PCDHGB2: variants seen among roughly 807,000 people sequenced by gnomAD.
PCDHGB2 encodes protocadherin gamma-B2.
PCDHGB2 carries 55 observed loss-of-function variants against 59.3 expected under a neutral mutation model. That is an observed-to-expected ratio of 0.93 (90% CI 0.75 to 1.16). The LOEUF (loss-of-function observed/expected upper bound fraction) is 1.16. Among genes scored for constraint, PCDHGB2 ranks in the 50% most tolerant of loss-of-function variants. PCDHGB2 has a pLI of 0.00. For missense variants in PCDHGB2, 1,228 were observed against 1,198.5 expected, an observed-to-expected ratio of 1.02 and a Z score of -0.36; for synonymous variants, 516 against 512.0, an observed-to-expected ratio of 1.01 and a Z score of -0.11.
chr5:141,414,280 G>C, intron 1 of PCDHGB2: 5 of 1,613,604 alleles, frequency 3.1e-6, no homozygotes, highest in Non-Finnish European at 4.2e-6. Context: ...TCTGGGAACA[G>C]TCGTAGCCCT....
At chr5:141,466,280 C>T (rs1181499549) in intron 1 of PCDHGB2, among the ~76,000 whole-genome samples, 1 of 152,142 alleles carries the variant, frequency 6.6e-6, no homozygotes, top group Admixed American at 6.6e-5. Flanking sequence ...AAGCAATCTT[C>T]CCACCTCAGG....
intron 1 of PCDHGB2, among the ~76,000 whole-genome samples, chr5:141,482,072 C>G (rs1010432509): frequency 1.5e-5 from 2 of 133,436 alleles, no homozygotes; most frequent in African/African-American, 5.9e-5. Flanking sequence ...GCAACAAGAA[C>G]AAAACTCACT....
At chr5:141,390,649 G>A in intron 1 of PCDHGB2, 1 of 210,770 alleles carries the variant, frequency 4.7e-6, no homozygotes, top group Non-Finnish European at 9.4e-6. Flanking sequence ...TTTTCAGCTT[G>A]GATATACCAT....
chr5:141,473,974 C>G (rs958240236), intron 1 of PCDHGB2, among the ~76,000 whole-genome samples: 33 of 152,054 alleles, frequency 2.2e-4, no homozygotes, highest in Admixed American at 2.2e-3. Context: ...AAGTCTGAGG[C>G]GGGAGGATCC....
chr5:141,407,159 A>G (rs1349203478), intron 1 of PCDHGB2, among the ~76,000 whole-genome samples: 1 of 152,232 alleles, frequency 6.6e-6, no homozygotes, highest in Non-Finnish European at 1.5e-5. Context: ...AGTGTCTGGG[A>G]ATCCTTTATG....
chr5:141,373,898 A>G (rs1039826496), intron 1 of PCDHGB2: 7 of 541,044 alleles, frequency 1.3e-5, no homozygotes, highest in African/African-American at 1.2e-4. Context: ...CTCAAGTTAC[A>G]TCCTCCAACA....
intron 1 of PCDHGB2, chr5:141,410,230 C>T (rs759582867): frequency 6.2e-7 from 1 of 1,614,006 alleles, no homozygotes; most frequent in Admixed American, 1.7e-5. Flanking sequence ...CAGACCTCAG[C>T]GACCGCCCTG....
chr5:141,362,701 T>G (rs1762639464), intron 1 of PCDHGB2, 145 bp downstream of exon 1: 1 of 1,035,142 alleles, frequency 9.7e-7, no homozygotes, highest in African/African-American at 1.6e-5. Flanking sequence ...TAACTGAATT[T>G]TAAGTGTTTT....
rs762433242 is a variant in PCDHGB2, at chr5:141,476,856, C to A, written c.2422-17951C>A. 2.5e-6 allele frequency: 4 copies of A among 1,613,762 alleles called. No individual in the cohort carries two copies. In the East Asian group the frequency reaches 6.7e-5, roughly 27 times the overall value. ...GACAATGCGCCTGTCTTCAACCAGTCCTTGTACCGGGCGCGCGTCCTGGAG... is the reference window on the plus strand; with the variant it reads ...GACAATGCGCCTGTCTTCAACCAGTACTTGTACCGGGCGCGCGTCCTGGAG... On this transcript the variant is annotated intron_variant, in intron 1 of 3. Coordinates refer to ENST00000522605, the MANE Select transcript of PCDHGB2 (RefSeq NM_018923.3). This position sits in a 1 kb window ranked among gnomAD's most constrained non-coding sequence, Gnocchi z 7.6.
At chr5:141,384,418 A>G (rs761365195) in intron 1 of PCDHGB2, 4 of 1,613,972 alleles carry the variant, frequency 2.5e-6, no homozygotes, top group Non-Finnish European at 3.4e-6. Context: ...CTATGTCTCC[A>G]TAAACTCTGA....
rs1310685846 is a variant in PCDHGB2, at chr5:141,423,037, T to C, written c.2421+60481T>C. ...GGACAAAGATTCAGGCCAGAACGCCTGGCTGTCCTATCGCCTGCTTAAGGC... is the reference window on the plus strand; with the variant it reads ...GGACAAAGATTCAGGCCAGAACGCCCGGCTGTCCTATCGCCTGCTTAAGGC... On this transcript the variant is annotated intron_variant, in intron 1 of 3. Transcript: ENST00000522605. 5 of 1,614,086 alleles carry C rather than the reference T, an allele frequency of 3.1e-6. No homozygotes were observed. In the African/African-American group the frequency reaches 5.3e-5, roughly 17 times the overall value.
intron 1 of PCDHGB2, chr5:141,371,888 G>A (rs1464333099): frequency 1.2e-6 from 2 of 1,613,438 alleles, no homozygotes; most frequent in South Asian, 2.2e-5. Context: ...ACCTGGAGCC[G>A]CGGGAGCTGT....
At chr5:141,412,479 T>G (rs1282087411) in intron 1 of PCDHGB2, 1 of 152,180 alleles carries the variant, frequency 6.6e-6, no homozygotes, top group African/African-American at 2.4e-5. Context: ...TTTAAAAACC[T>G]CTTACACAAT....
chr5:141,449,588 CAAA>C (rs768743917), intron 1 of PCDHGB2, among the ~76,000 whole-genome samples: 1 of 57,486 alleles, frequency 1.7e-5, no homozygotes, highest in Non-Finnish European at 3.7e-5. Context: ...GACTCTGTCT[CAAA>C]AAAAAAAAAA....
chr5:141,427,287 A>G (rs1030754713), intron 1 of PCDHGB2: 2 of 456,716 alleles, frequency 4.4e-6, no homozygotes, highest in African/African-American at 4.0e-5. Flanking sequence ...TATACTAGAA[A>G]TCCTAGATGA....
At chr5:141,370,927 T>A in intron 1 of PCDHGB2, 2 of 1,613,940 alleles carry the variant, frequency 1.2e-6, no homozygotes, top group Non-Finnish European at 1.7e-6. Context: ...GATCCGCACT[T>A]CTCTTTGATT....
chr5:141,481,207 C>T (rs1287298617), intron 1 of PCDHGB2, among the ~76,000 whole-genome samples: 3 of 152,154 alleles, frequency 2.0e-5, no homozygotes, highest in Non-Finnish European at 1.5e-5. Flanking sequence ...TTTTAAAAAA[C>T]ATGGTAAGGT....
In PCDHGB2 at chr5:141,491,219, C is replaced by T; in HGVS notation, c.2422-3588C>T. ...GGTGACCCTTCACTCTCCTCCACAG[C>T]CACAGTGCTGCTGGTTCTGGAGGAT... is the stretch of plus-strand genomic sequence containing the variant. On this transcript the variant is annotated intron_variant, in intron 1 of 3. Coordinates refer to ENST00000522605, the MANE Select transcript of PCDHGB2 (RefSeq NM_018923.3). The surrounding 1 kb of genome is among the most constrained non-coding windows in gnomAD (Gnocchi z 6.9). 3 of 1,614,208 alleles carry T rather than the reference C, an allele frequency of 1.9e-6. No homozygotes were observed. The highest frequency in any genetic ancestry group is 2.5e-6 in the Non-Finnish European group (3 of 1,180,028).
intron 1 of PCDHGB2, chr5:141,475,890 G>C: frequency 1.8e-6 from 1 of 565,896 alleles, no homozygotes; most frequent in South Asian, 2.3e-5. Flanking sequence ...CTGGGACTCT[G>C]TGTGCCGCTG....
Sources: allele counts gnomAD v4.1 joint callset (sites outside exome capture counted in the v4.1 genomes callset), GRCh38; gene constraint gnomAD v4.1.1; non-coding constraint Gnocchi (gnomAD v3.1); transcripts MANE v1.5; gene names NCBI Gene and HGNC (gene_info 2026-07-23, HGNC 2026-07-21).